Variants in PARG observed in about 807,000 individuals in gnomAD.
The protein encoded by PARG is poly(ADP-ribose) glycohydrolase.
PARG carries 35 observed loss-of-function variants against 113.0 expected under a neutral mutation model. The observed-to-expected ratio is 0.31, with a 90% CI of 0.24 to 0.41. PARG has a LOEUF of 0.41. Ranked by LOEUF, PARG falls within the 10% of genes least tolerant of loss-of-function variation. The pLI is 1.00. For synonymous variants in PARG, 330 were observed against 409.9 expected (o/e 0.81, Z 2.36); for missense variants, 797 against 1,169.4 (o/e 0.68, Z 4.64).
intron 14 of PARG, among the ~76,000 whole-genome samples, chr10:49,842,467 A>T (rs898756930): frequency 6.6e-6 from 1 of 152,192 alleles, no homozygotes; most frequent in Non-Finnish European, 1.5e-5. Context: ...GCTTTAAATC[A>T]CTGGGGTTGT....
At chr10:49,874,611 T>TGGTGA (rs1846858521) in intron 9 of PARG, among the ~76,000 whole-genome samples, 1 of 150,456 alleles carries the variant, frequency 6.6e-6, no homozygotes, top group Non-Finnish European at 1.5e-5. Context: ...TCCCAGCACT[T>TGGTGA]TGGGAGGCCA....
chr10:49,843,425 G>A, intron 14 of PARG, 129 bp downstream of exon 14: 3 of 681,156 alleles, frequency 4.4e-6, no homozygotes, highest in Non-Finnish European at 8.0e-6. Flanking sequence ...CTGTAATGCT[G>A]ATTTCTTTTC....
chr10:49,825,300 C>A (rs927453123), intron 16 of PARG, among the ~76,000 whole-genome samples: 1 of 152,172 alleles, frequency 6.6e-6, no homozygotes, highest in Non-Finnish European at 1.5e-5. Flanking sequence ...AATACACTCT[C>A]TCTTCAAGAA....
At chr10:49,917,734 C>T (rs1225712595) in intron 6 of PARG, among the ~76,000 whole-genome samples, 2 of 147,550 alleles carry the variant, frequency 1.4e-5, no homozygotes, top group Non-Finnish European at 3.0e-5. Context: ...GGGAGGATCG[C>T]TTAAGCAAAG....
chr10:49,847,021 A>G (rs1231415331), intron 13 of PARG, among the ~76,000 whole-genome samples: 4 of 151,618 alleles, frequency 2.6e-5, no homozygotes, highest in African/African-American at 4.8e-5. Context: ...GGGACAATTT[A>G]GCACCAAACA....
intron 13 of PARG, among the ~76,000 whole-genome samples, chr10:49,845,486 G>A (rs537773589): frequency 5.3e-5 from 8 of 152,292 alleles, no homozygotes; most frequent in African/African-American, 1.9e-4. Context: ...CTCAGGCATG[G>A]GTGAAGTGGC....
chr10:49,864,175 A>T lies in PARG; in HGVS notation c.2129+1146T>A, dbSNP rs1239787713. Among the ~76,000 whole-genome samples the T allele has an allele frequency of 4.6e-5, 7 of 152,170 alleles. No homozygotes were observed. The East Asian group carries it at 1.2e-3, about 25-fold the overall frequency. On this transcript the variant is annotated intron_variant, in intron 11 of 17. Transcript: ENST00000616448. ...TGTTGCAGGTATTACAGAGCTGATC[A>T]AGAGTTTTAGCAGGCGGCCGGGGTT... is the stretch of plus-strand genomic sequence containing the variant.
In PARG at chr10:49,820,100, A is replaced by G. The variant is rs144438233; in HGVS notation, c.2776+65T>C. 2.8e-4 allele frequency: 313 copies of G among 1,121,488 alleles called. 1 individual carries two copies. The African/African-American group carries it at 3.9e-3, about 14-fold the overall frequency. 69.5% of individuals were successfully genotyped at this position (1,121,488 alleles called of 1,614,324 possible). ...CACTGTGATTCATCCAGATTTAGCA[A>G]GTGTTCCCACTGAATGGTGTACAAT... On this transcript the variant is annotated intron_variant, in intron 17 of 17. Coordinates refer to ENST00000616448, the MANE Select transcript of PARG (RefSeq NM_003631.5).
intron 16 of PARG, among the ~76,000 whole-genome samples, chr10:49,821,631 C>T (rs1396826942): frequency 2.6e-5 from 4 of 152,186 alleles, no homozygotes; most frequent in Non-Finnish European, 4.4e-5. Context: ...CTGCCCGTCT[C>T]GGCCTCCCAA....
At chr10:49,897,810 C>T (rs1848164275) in intron 7 of PARG, among the ~76,000 whole-genome samples, 1 of 152,124 alleles carries the variant, frequency 6.6e-6, no homozygotes, top group Admixed American at 6.5e-5. Flanking sequence ...GAGTTCAAGA[C>T]CAGCCTGGCC....
chr10:49,889,706 C>G (rs781998406), intron 7 of PARG, among the ~76,000 whole-genome samples: 1 of 152,336 alleles, frequency 6.6e-6, no homozygotes, highest in Middle Eastern at 3.4e-3. Flanking sequence ...CAGGCTGACA[C>G]GTCTCCTTTG....
At chr10:49,829,511 G>A (rs1844549938) in intron 16 of PARG, among the ~76,000 whole-genome samples, 1 of 152,050 alleles carries the variant, frequency 6.6e-6, no homozygotes, top group African/African-American at 2.4e-5. Context: ...AACAATATAT[G>A]CTCACAATAA....
chr10:49,933,000 T>C (rs1166535904), intron 3 of PARG, among the ~76,000 whole-genome samples, 177 bp downstream of exon 3: 2 of 152,252 alleles, frequency 1.3e-5, no homozygotes, highest in Non-Finnish European at 2.9e-5. Context: ...TCTTGTTTTC[T>C]GTTTCTAGCC....
intron 4 of PARG, among the ~76,000 whole-genome samples, chr10:49,928,680 C>G (rs1564666139): frequency 6.6e-6 from 1 of 152,160 alleles, no homozygotes; most frequent in Admixed American, 6.5e-5. Context: ...AATTTTTTAA[C>G]TTTTTGTACA....
intron 13 of PARG, among the ~76,000 whole-genome samples, chr10:49,855,863 GAAA>G: frequency 8.3e-6 from 1 of 120,190 alleles, no homozygotes; most frequent in South Asian, 3.1e-4. Flanking sequence ...ACTTTTTCAG[GAAA>G]AAAAAATAGT....
chr10:49,920,551 TAC>T (rs1324294014), intron 6 of PARG, among the ~76,000 whole-genome samples: 3 of 141,510 alleles, frequency 2.1e-5, no homozygotes, highest in African/African-American at 7.7e-5. Context: ...CACATATATA[TAC>T]ATATATACGT....
intron 7 of PARG, among the ~76,000 whole-genome samples, chr10:49,900,504 A>G (rs1201789198): frequency 2.0e-5 from 3 of 152,106 alleles, no homozygotes; most frequent in African/African-American, 4.8e-5. Flanking sequence ...AAACTTCATT[A>G]AACATGAAGA....
intron 13 of PARG, among the ~76,000 whole-genome samples, chr10:49,853,403 GC>G: frequency 6.6e-6 from 1 of 151,702 alleles, no homozygotes; most frequent in South Asian, 2.1e-4. Context: ...TTCCAAACCT[GC>G]AGAGCTTCCC....
chr10:49,905,981 T>C (rs1848567249), intron 7 of PARG, among the ~76,000 whole-genome samples: 3 of 149,594 alleles, frequency 2.0e-5, no homozygotes, highest in Admixed American at 6.7e-5. Flanking sequence ...TGAACCGAAG[T>C]TGCCCAAGGC....
Sources: gnomAD v4.1 joint callset for allele counts (sites outside exome capture counted in the v4.1 genomes callset) on GRCh38, gnomAD v4.1.1 for gene constraint, MANE v1.5 for transcripts, NCBI Gene and HGNC (gene_info 2026-07-23, HGNC 2026-07-21) for gene names.